The following SCN3A variants were observed in gnomAD, a reference collection of about 807,000 sequenced individuals.
The protein encoded by SCN3A is sodium voltage-gated channel alpha subunit 3.
SCN3A carries 60 observed loss-of-function variants against 187.6 expected under a neutral mutation model. The observed-to-expected ratio is 0.32, with a 90% CI of 0.26 to 0.40. The LOEUF (loss-of-function observed/expected upper bound fraction) is 0.40, where lower values mean the gene tolerates loss of function less well. SCN3A is among the 10% of genes least tolerant of loss of function. SCN3A has a pLI of 1.00. For synonymous variants in SCN3A, 788 were observed against 829.2 expected, an observed-to-expected ratio of 0.95 and a Z score of 0.85; for missense variants, 1,601 against 2,428.2, an observed-to-expected ratio of 0.66 and a Z score of 7.16.
Position 165,092,421 on chromosome 2 carries a change from G to A in SCN3A, c.4640C>T (p.Thr1547Met), listed in dbSNP as rs762536754. The A allele has an allele frequency of 5.6e-6, 9 of 1,613,814 alleles. No homozygotes were observed. The highest frequency in any genetic ancestry group is 2.2e-5 in the South Asian group (2 of 91,082). The change falls in exon 27 of 28, where the codon ACG (threonine) becomes ATG (methionine). Residue 1547 changes from threonine (T) to methionine (M), a missense_variant. By Grantham distance (81) the Thr-to-Met change is moderately conservative. This residue lies in a region of SCN3A where 320 missense variants were observed against 623.2 expected (regional missense o/e 0.51). Transcript: ENST00000283254. The surrounding 1 kb of genome is among the most constrained non-coding windows in gnomAD (Gnocchi z 4.2). ...CLNMVTMMVETDDQGKYMTLV... is the reference protein window; with the variant it reads ...CLNMVTMMVEMDDQGKYMTLV... ...GGTCATGTATTTGCCCTGGTCATCCGTTTCCACCATCATGGTGACCATGTT... is the reference window on the plus strand; with the variant it reads ...GGTCATGTATTTGCCCTGGTCATCCATTTCCACCATCATGGTGACCATGTT...
chr2:165,125,313 T>C (rs375020318), intron 18 of SCN3A, among the ~76,000 whole-genome samples: 31 of 152,178 alleles, frequency 2.0e-4, no homozygotes, highest in African/African-American at 7.0e-4. Flanking sequence ...TTAAACTTTT[T>C]TTTTTTTTGA....
At chr2:165,193,837 A>G (rs1217107276) in intron 1 of SCN3A, among the ~76,000 whole-genome samples, 4 of 152,164 alleles carry the variant, frequency 2.6e-5, no homozygotes, top group Admixed American at 1.3e-4. Flanking sequence ...GCTCAGAGCA[A>G]AGAGGTTTTA....
chr2:165,163,598 G>A lies in SCN3A; in HGVS notation c.694+20C>T. The A allele has an allele frequency of 6.2e-7, 1 of 1,613,160 alleles. No homozygotes were observed. On this transcript the variant is annotated intron_variant, in intron 7 of 27. Coordinates refer to ENST00000283254, the MANE Select transcript of SCN3A (RefSeq NM_006922.4). ...AACTCAATAATTAAAGTCAACCTCG[G>A]TGTTTAACCTAGCTCTCACCTGGAA...
At chr2:165,136,707 A>G (rs1687690920) in intron 15 of SCN3A, among the ~76,000 whole-genome samples, 2 of 152,224 alleles carry the variant, frequency 1.3e-5, no homozygotes, top group Non-Finnish European at 2.9e-5. Context: ...AGTGACTAGC[A>G]TGTAAACACT....
In SCN3A at chr2:165,128,117, A is replaced by T; in HGVS notation, c.2923-16T>A. The T allele has an allele frequency of 6.3e-7, 1 of 1,576,264 alleles. No homozygotes were observed. Among genetic ancestry groups the T allele is most frequent in the Non-Finnish European group, 8.6e-7 (1 of 1,157,664 alleles). ...GGTTCAGAACCTAAAAGAAAAAAAG[A>T]AAAATGTCTATTTTAATATTGAAAT... On this transcript the variant is annotated splice_polypyrimidine_tract_variant and intron_variant, in intron 17 of 27. Coordinates refer to ENST00000283254, the MANE Select transcript of SCN3A (RefSeq NM_006922.4).
In SCN3A at chr2:165,146,903, T is replaced by C; in HGVS notation, c.1507A>G (p.Arg503Gly). 1 of 1,614,120 alleles carries C rather than the reference T, an allele frequency of 6.2e-7. No homozygotes were observed. The highest frequency in any genetic ancestry group is 8.5e-7 in the Non-Finnish European group (1 of 1,179,976). The change falls in exon 12 of 28, where the codon AGG (arginine) becomes GGG (glycine). Residue 503 changes from arginine to glycine, a missense_variant. Physicochemically the swap from Arg to Gly is moderately radical, Grantham distance 125. This residue lies in a region of SCN3A where 376 missense variants were observed against 476.0 expected (regional missense o/e 0.79). Coordinates refer to ENST00000283254, the MANE Select transcript of SCN3A (RefSeq NM_006922.4). Reference sequence around the variant, plus strand: ...TGCTCTCTCTGTCTTCTTTTCTTCCTTCGGTTCCTCCATTCTTTAGCACTT... The same window carrying C: ...TGCTCTCTCTGTCTTCTTTTCTTCCCTCGGTTCCTCCATTCTTTAGCACTT... ...SKSAKEWRNR[R>G]KKRRQREHLE...
rs1687923882 is a variant in SCN3A, at chr2:165,140,257, T to G, written c.2019+394A>C. 6.6e-6 allele frequency among the ~76,000 whole-genome samples: 1 copy of G among 152,186 alleles called. No homozygotes were observed. ...AACAAATTGGTTATAATATTTAATT[T>G]TAAGAATATGAATTTTCCAGAATAT... On this transcript the variant is annotated intron_variant, in intron 13 of 27. Transcript: ENST00000283254. This position sits in a 1 kb window ranked among gnomAD's most constrained non-coding sequence, Gnocchi z 4.2.
intron 27 of SCN3A, among the ~76,000 whole-genome samples, chr2:165,091,597 A>T (rs1428880393): frequency 6.6e-6 from 1 of 152,238 alleles, no homozygotes; most frequent in Non-Finnish European, 1.5e-5. Context: ...ATTTAAGATT[A>T]TATAGACCCA....
At chr2:165,173,671 G>A (rs1690263868) in intron 3 of SCN3A, among the ~76,000 whole-genome samples, 1 of 152,044 alleles carries the variant, frequency 6.6e-6, no homozygotes, top group African/African-American at 2.4e-5. Context: ...GCTTTTAAAT[G>A]CCTTTTACTT....
Position 165,090,228 on chromosome 2 carries a change from T to C in SCN3A, c.5925A>G (p.Lys1975=). The change falls in exon 28 of 28, where the codon AAA becomes AAG. Residue 1975 remains lysine (K), a synonymous_variant. Coordinates refer to ENST00000283254, the MANE Select transcript of SCN3A (RefSeq NM_006922.4). This position sits in a 1 kb window ranked among gnomAD's most constrained non-coding sequence, Gnocchi z 4.0. The part of the protein sequence containing the change: ...TSPPSYDSVT[K]PDKEKFEKDK... Reference sequence around the variant, plus strand: ...CTTTCTCAAACTTTTCCTTGTCTGGTTTTGTTACACTATCATAGGAAGGAG... The same window carrying C: ...CTTTCTCAAACTTTTCCTTGTCTGGCTTTGTTACACTATCATAGGAAGGAG... The C allele has an allele frequency of 1.2e-6, 2 of 1,609,640 alleles. No homozygotes were observed. Among genetic ancestry groups the C allele is most frequent in the East Asian group, 4.5e-5 (2 of 44,848 alleles).
At position 165,130,102 on chromosome 2, in the gene SCN3A, C is replaced by A; in HGVS notation, c.2760G>T (p.Thr920=). 6.2e-7 allele frequency: 1 copy of A among 1,614,100 alleles called. No individual in the cohort carries two copies. The highest frequency in any genetic ancestry group is 8.5e-7 in the Non-Finnish European group (1 of 1,180,012). The change falls in exon 17 of 28, where the codon ACG becomes ACT. Residue 920 remains threonine, a synonymous_variant. Coordinates refer to ENST00000283254, the MANE Select transcript of SCN3A (RefSeq NM_006922.4). ...ECVCKINDDC[T]LPRWHMNDFF... is the part of the protein sequence containing the mutation. ...AGTCGTTCATGTGCCACCGTGGGAG[C>A]GTACAGTCATCATTGATCTTGCAGA...
Position 165,100,437 on chromosome 2 carries a change from A to G in SCN3A, c.3844-13T>C. 6.2e-7 allele frequency: 1 copy of G among 1,612,684 alleles called. No homozygotes were observed. The highest frequency in any genetic ancestry group is 8.5e-7 in the Non-Finnish European group (1 of 1,179,036). On this transcript the variant is annotated splice_polypyrimidine_tract_variant and intron_variant, in intron 21 of 27. Coordinates refer to ENST00000283254, the MANE Select transcript of SCN3A (RefSeq NM_006922.4). Reference sequence around the variant, plus strand: ...TAACCAAAGAAACCTACAAAAGGAAAAAAAAATTAATTAGTTCACCAAGAA... The same window carrying G: ...TAACCAAAGAAACCTACAAAAGGAAGAAAAAATTAATTAGTTCACCAAGAA...
At chr2:165,118,786 G>A (rs911271230) in intron 18 of SCN3A, among the ~76,000 whole-genome samples, 3 of 151,650 alleles carry the variant, frequency 2.0e-5, no homozygotes. Flanking sequence ...TTTTTGAGAC[G>A]GAGTCTCGCT....
intron 3 of SCN3A, among the ~76,000 whole-genome samples, chr2:165,175,525 G>C (rs1282725353): frequency 6.6e-6 from 1 of 151,688 alleles, no homozygotes; most frequent in Non-Finnish European, 1.5e-5. Flanking sequence ...TTTTTCTTCA[G>C]GGTGATGTTT....
In SCN3A at chr2:165,187,805, C is replaced by T. The variant is rs1440954765; in HGVS notation, c.-247-1058G>A. Among the ~76,000 whole-genome samples, 4 of 152,176 alleles carry T rather than the reference C, an allele frequency of 2.6e-5. No individual in the cohort carries two copies. In the South Asian group the frequency reaches 6.2e-4, roughly 24 times the overall value. The stretch of plus-strand genomic sequence containing the variant: ...CTCTCACCAAGTGGTAACAATAACA[C>T]AAATGCTAATAATAATACCCATAAG... On this transcript the variant is annotated intron_variant, in intron 1 of 27. Transcript: ENST00000283254.
At chr2:165,102,893 A>C (rs2105669978) in intron 21 of SCN3A, among the ~76,000 whole-genome samples, 1 of 152,330 alleles carries the variant, frequency 6.6e-6, no homozygotes, top group Non-Finnish European at 1.5e-5. Context: ...TATATAGGAA[A>C]ATAAAGGGAA....
At position 165,127,938 on chromosome 2, in the gene SCN3A, G is replaced by T. The variant is rs750993591; in HGVS notation, c.3086C>A (p.Ala1029Asp). ...KNKMRECFQK[A>D]FFRKPKVIEI... ...TATAACTTTTGGCTTTCTAAAAAAGGCTTTTTGGAAACACTCCCGCATCTT... is the reference window on the plus strand; with the variant it reads ...TATAACTTTTGGCTTTCTAAAAAAGTCTTTTTGGAAACACTCCCGCATCTT... Residue 1029 changes from alanine (A) to aspartate (D), a missense_variant, in exon 18 of 28, where the codon GCC becomes GAC. This residue lies in a region of SCN3A where 267 missense variants were observed against 313.2 expected (regional missense o/e 0.85). Coordinates refer to ENST00000283254, the MANE Select transcript of SCN3A (RefSeq NM_006922.4). 6 of 1,613,784 alleles carry T rather than the reference G, an allele frequency of 3.7e-6. No homozygotes were observed. Among genetic ancestry groups the T allele is most frequent in the Non-Finnish European group, 5.1e-6 (6 of 1,179,978 alleles).
At chr2:165,118,999 T>C (rs1426709495) in intron 18 of SCN3A, among the ~76,000 whole-genome samples, 1 of 152,070 alleles carries the variant, frequency 6.6e-6, no homozygotes, top group Non-Finnish European at 1.5e-5. Flanking sequence ...CCTGACTTCG[T>C]GATCAGCCTG....
chr2:165,177,586 C>G (rs963528484), intron 2 of SCN3A, among the ~76,000 whole-genome samples: 6 of 152,126 alleles, frequency 3.9e-5, no homozygotes, highest in Non-Finnish European at 5.9e-5. Flanking sequence ...TGTGCTGGAA[C>G]CACAATTGTG....
Sources: gnomAD v4.1 joint callset for allele counts (sites outside exome capture counted in the v4.1 genomes callset) on GRCh38, gnomAD v4.1.1 for gene constraint, gnomAD v4.1.1 regional missense constraint, Gnocchi (gnomAD v3.1) non-coding constraint, MANE v1.5 for transcripts, NCBI Gene and HGNC (gene_info 2026-07-23, HGNC 2026-07-21) for gene names.